Variants in INSL6 observed in about 807,000 individuals in gnomAD.
INSL6 encodes insulin-like peptide INSL6.
Under a neutral mutation model 9.4 loss-of-function variants are expected in INSL6, and 16 were observed. The observed-to-expected ratio is 1.70, with a 90% CI of 1.15 to 2.59. INSL6 has a LOEUF of 2.59. INSL6 is among the 30% of genes most tolerant of loss of function. INSL6 has a pLI of 0.00. For synonymous variants in INSL6, 154 were observed against 96.9 expected, an observed-to-expected ratio of 1.59 and a Z score of -3.46; for missense variants, 391 against 257.3, an observed-to-expected ratio of 1.52 and a Z score of -3.56.
the INSL6 span, among the ~76,000 whole-genome samples, chr9:5,049,087 T>G: frequency 6.6e-6 from 1 of 152,196 alleles, no homozygotes; most frequent in Non-Finnish European, 1.5e-5. Flanking sequence ...TTAATAAAGT[T>G]ATCAGCCTTT....
chr9:5,096,731 C>G, the INSL6 span: 2 of 152,076 alleles, frequency 1.3e-5, no homozygotes, highest in Non-Finnish European at 2.9e-5. Context: ...ACCTGCTGTT[C>G]GGCGCATGAG....
chr9:5,146,270 G>A (rs942334920), intron 2 of INSL6, among the ~76,000 whole-genome samples: 3 of 152,092 alleles, frequency 2.0e-5, no homozygotes, highest in African/African-American at 7.2e-5. Flanking sequence ...CTTGAATTGG[G>A]CCCCAACATT....
chr9:5,040,959 T>A, the INSL6 span: 1 of 535,446 alleles, frequency 1.9e-6, no homozygotes, highest in South Asian at 1.6e-5. Context: ...AGAATCTCTA[T>A]ACAAACAAAT....
At chr9:5,118,913 C>G (rs1413934077), downstream of INSL6, among the ~76,000 whole-genome samples, 2 of 152,156 alleles carry the variant, frequency 1.3e-5, no homozygotes, top group Non-Finnish European at 2.9e-5. Flanking sequence ...TCAGGTTCAT[C>G]TGTTTTCTCA....
the INSL6 span, among the ~76,000 whole-genome samples, chr9:4,998,078 A>G: frequency 6.6e-6 from 1 of 152,212 alleles, no homozygotes; most frequent in African/African-American, 2.4e-5. Context: ...TTGAATATCA[A>G]TAGCAGAGGG....
At chr9:5,126,763 A>C (rs1367851065) in intron 3 of INSL6, 8 of 1,609,354 alleles carry the variant, frequency 5.0e-6, no homozygotes, top group Non-Finnish European at 6.8e-6. Context: ...CTTCGAGTGG[A>C]TCAAATAAGG....
At chr9:5,161,637 G>C (rs560162545), downstream of INSL6, among the ~76,000 whole-genome samples, 1 of 152,236 alleles carries the variant, frequency 6.6e-6, no homozygotes, top group African/African-American at 2.4e-5. Context: ...GGAAAGAAAT[G>C]AGTAAAACCA....
intron 1 of INSL6, among the ~76,000 whole-genome samples, chr9:5,174,287 A>G (rs1825250386): frequency 6.6e-6 from 1 of 152,152 alleles, no homozygotes; most frequent in Admixed American, 6.5e-5. Flanking sequence ...TCCTTGATAG[A>G]GTTTTCTATA....
chr9:5,114,456 C>T, the INSL6 span: 2 of 473,646 alleles, frequency 4.2e-6, no homozygotes, highest in Admixed American at 5.3e-5. Flanking sequence ...CACCCACCTG[C>T]AGTCCACGAC....
At chr9:5,064,225 T>C in the INSL6 span, among the ~76,000 whole-genome samples, 238 of 152,208 alleles carry the variant, frequency 1.6e-3, 1 homozygote, top group African/African-American at 5.2e-3. Flanking sequence ...ATGAATACTT[T>C]AGCAGTATGT....
chr9:5,131,940 T>C (rs1389622490), intron 3 of INSL6: 1 of 152,208 alleles, frequency 6.6e-6, no homozygotes, highest in Non-Finnish European at 1.5e-5. Flanking sequence ...CTGTTATAAA[T>C]CCTTGTTTCT....
chr9:5,120,571 A>G (rs552665698), downstream of INSL6, among the ~76,000 whole-genome samples: 21 of 152,332 alleles, frequency 1.4e-4, no homozygotes, highest in South Asian at 2.1e-3. Context: ...GTTGTAAAAA[A>G]TCGGTGAAAC....
chr9:4,999,131 G>C, the INSL6 span, among the ~76,000 whole-genome samples: 1 of 152,024 alleles, frequency 6.6e-6, no homozygotes, highest in African/African-American at 2.4e-5. Context: ...GGGCTCAGGA[G>C]GTCTTTTAAG....
At chr9:5,135,028 T>C (rs547246966) in intron 2 of INSL6, among the ~76,000 whole-genome samples, 1 of 151,904 alleles carries the variant, frequency 6.6e-6, no homozygotes, top group East Asian at 1.9e-4. Flanking sequence ...AAAGCAGGGG[T>C]TGCAATCCTA....
At chr9:5,134,903 G>C (rs12340827) in intron 2 of INSL6, among the ~76,000 whole-genome samples, 36,790 of 151,978 alleles carry the variant, frequency 0.24, 4,915 homozygotes, top group South Asian at 0.3. Context: ...AAATTGGATA[G>C]AGTCAAGACC....
chr9:5,117,368 A>G, the INSL6 span, among the ~76,000 whole-genome samples: 1 of 152,252 alleles, frequency 6.6e-6, no homozygotes, highest in Non-Finnish European at 1.5e-5. Context: ...GGTGAGATTC[A>G]TATTTTAGAA....
the INSL6 span, chr9:5,085,851 T>C: frequency 3.9e-6 from 3 of 767,634 alleles, no homozygotes; most frequent in Non-Finnish European, 7.3e-6. Context: ...ATCAAAGTAG[T>C]ACTCAGAGAT....
chr9:5,104,614 A>G, the INSL6 span, among the ~76,000 whole-genome samples: 1 of 152,188 alleles, frequency 6.6e-6, no homozygotes, highest in African/African-American at 2.4e-5. Flanking sequence ...CAAAAAAATA[A>G]TTTTAGACCA....
At chr9:5,143,846 G>C (rs925155425) in intron 2 of INSL6, among the ~76,000 whole-genome samples, 2 of 151,500 alleles carry the variant, frequency 1.3e-5, no homozygotes, top group Non-Finnish European at 2.9e-5. Flanking sequence ...TTGTAGTAGA[G>C]ACAGGGTTTC....
Sources: allele counts gnomAD v4.1 joint callset (sites outside exome capture counted in the v4.1 genomes callset), GRCh38; gene constraint gnomAD v4.1.1; transcripts MANE v1.5; gene names NCBI Gene and HGNC (gene_info 2026-07-23, HGNC 2026-07-21).